CPA6: variants seen among roughly 807,000 people sequenced by gnomAD.
CPA6 encodes the protein carboxypeptidase B.
CPA6 carries 58 observed loss-of-function variants against 63.3 expected under a neutral mutation model. The observed-to-expected ratio is 0.92, with a 90% CI of 0.74 to 1.14. The LOEUF is 1.14. Among genes scored for constraint, CPA6 ranks in the 50% most tolerant of loss-of-function variants. The pLI, the probability that CPA6 is intolerant of heterozygous loss-of-function variation, is 0.00. For missense variants in CPA6, 565 were observed against 526.6 expected (o/e 1.07, Z -0.71); for synonymous variants, 185 against 179.0 (o/e 1.03, Z -0.27).
At chr8:67,532,199 C>A (rs937789499) in intron 2 of CPA6, among the ~76,000 whole-genome samples, 1 of 151,818 alleles carries the variant, frequency 6.6e-6, no homozygotes. Flanking sequence ...TAGTATGGAC[C>A]AACCAAACAA....
intron 8 of CPA6, among the ~76,000 whole-genome samples, chr8:67,467,696 T>G (rs1296189494): frequency 6.6e-6 from 1 of 152,092 alleles, no homozygotes; most frequent in Non-Finnish European, 1.5e-5. Flanking sequence ...AGTTGTTTTC[T>G]TCCAGCTTTA....
chr8:67,509,041 G>A (rs937367602), intron 5 of CPA6, among the ~76,000 whole-genome samples: 8 of 152,130 alleles, frequency 5.3e-5, no homozygotes, highest in Admixed American at 5.2e-4. Flanking sequence ...AGGAGGAAGA[G>A]AGCGAAGGGG....
chr8:67,497,768 T>C (rs1194341976), intron 6 of CPA6, among the ~76,000 whole-genome samples: 1 of 151,680 alleles, frequency 6.6e-6, no homozygotes, highest in Non-Finnish European at 1.5e-5. Context: ...CTCGGCTCAC[T>C]GCAACCTCTG....
intron 6 of CPA6, among the ~76,000 whole-genome samples, chr8:67,493,352 A>G (rs780105746): frequency 7.9e-5 from 12 of 152,190 alleles, no homozygotes; most frequent in Non-Finnish European, 1.5e-4. Flanking sequence ...TAAAAGGACT[A>G]TTCCCTGGAG....
At chr8:67,644,044 A>G (rs1815655484) in intron 1 of CPA6, among the ~76,000 whole-genome samples, 1 of 152,156 alleles carries the variant, frequency 6.6e-6, no homozygotes, top group Non-Finnish European at 1.5e-5. Flanking sequence ...TCATATCACA[A>G]TGCAGATTGA....
At chr8:67,538,435 C>T (rs1271173015) in intron 2 of CPA6, among the ~76,000 whole-genome samples, 11 of 151,004 alleles carry the variant, frequency 7.3e-5, no homozygotes, top group Admixed American at 4.0e-4. Flanking sequence ...TTTATCATTA[C>T]GTGATGCCCA....
chr8:67,520,587 T>A (rs7018199), intron 2 of CPA6, among the ~76,000 whole-genome samples: 23,599 of 152,184 alleles, frequency 0.16, 5,144 homozygotes, highest in African/African-American at 0.49. Context: ...TATAGAAGAC[T>A]TACGGGACAG....
intron 1 of CPA6, among the ~76,000 whole-genome samples, chr8:67,727,154 GA>G (rs369383538): frequency 1.3e-5 from 2 of 150,422 alleles, no homozygotes; most frequent in African/African-American, 2.4e-5. Context: ...TAGGGAGAAA[GA>G]AAAAAAAACC....
At chr8:67,713,099 G>GTGTGTGTGTGTGTATATA (rs1328463977) in intron 1 of CPA6, among the ~76,000 whole-genome samples, 40 of 55,028 alleles carry the variant, frequency 7.3e-4, no homozygotes, top group African/African-American at 2.6e-3. Context: ...GTGTGTGTGT[G>GTGTGTGTGTGTGTATATA]TATATATATA....
At chr8:67,475,822 CTTT>C (rs11316135) in intron 8 of CPA6, among the ~76,000 whole-genome samples, 5 of 46,808 alleles carry the variant, frequency 1.1e-4, no homozygotes, top group African/African-American at 2.4e-4. Context: ...TCTTTCCTTT[CTTT>C]TCTTTCTTTC....
intron 8 of CPA6, among the ~76,000 whole-genome samples, chr8:67,438,638 C>T (rs1810217234): frequency 6.6e-6 from 1 of 152,118 alleles, no homozygotes; most frequent in South Asian, 2.1e-4. Flanking sequence ...CTCATATCTA[C>T]AGCGATATGA....
At chr8:67,538,983 T>C (rs1312615772) in intron 2 of CPA6, among the ~76,000 whole-genome samples, 1 of 152,190 alleles carries the variant, frequency 6.6e-6, no homozygotes, top group African/African-American at 2.4e-5. Flanking sequence ...TAATGGGGCA[T>C]TTAACCCATT....
chr8:67,430,866 T>C (rs1302799356), intron 9 of CPA6, among the ~76,000 whole-genome samples: 1 of 152,030 alleles, frequency 6.6e-6, no homozygotes, highest in African/African-American at 2.4e-5. Context: ...CTTTTTTTTT[T>C]CTTTCCTTTC....
intron 2 of CPA6, among the ~76,000 whole-genome samples, chr8:67,592,863 G>GT (rs1391928015): frequency 2.6e-5 from 4 of 152,030 alleles, no homozygotes; most frequent in Non-Finnish European, 4.4e-5. Context: ...TTTTTGAAGG[G>GT]TTTTTTGTGT....
intron 8 of CPA6, chr8:67,483,389 C>G (rs1811400211): frequency 3.6e-6 from 1 of 274,694 alleles, no homozygotes; most frequent in Non-Finnish European, 7.1e-6. Context: ...CCACGACAGA[C>G]AGCCGAATGC....
At chr8:67,675,752 A>G (rs1816458128) in intron 1 of CPA6, among the ~76,000 whole-genome samples, 1 of 152,226 alleles carries the variant, frequency 6.6e-6, no homozygotes, top group South Asian at 2.1e-4. Flanking sequence ...CCTGTGCATT[A>G]TCTACTCAAA....
intron 1 of CPA6, among the ~76,000 whole-genome samples, chr8:67,639,505 AG>A (rs1282041947): frequency 6.6e-6 from 1 of 151,602 alleles, no homozygotes; most frequent in Non-Finnish European, 1.5e-5. Context: ...GCTCCCTACA[AG>A]GCTGTGGCTG....
intron 8 of CPA6, among the ~76,000 whole-genome samples, chr8:67,479,407 T>C (rs552094758): frequency 6.6e-6 from 1 of 152,348 alleles, no homozygotes; most frequent in Admixed American, 6.5e-5. Context: ...TACCCCATTG[T>C]ATTATTGGGT....
intron 1 of CPA6, among the ~76,000 whole-genome samples, chr8:67,646,004 A>G (rs1361688195): frequency 1.3e-5 from 2 of 152,192 alleles, no homozygotes. Context: ...TGCCTGAGAT[A>G]AAAAGTTCTC....
Sources: allele counts gnomAD v4.1 joint callset (sites outside exome capture counted in the v4.1 genomes callset), GRCh38; gene constraint gnomAD v4.1.1; transcripts MANE v1.5; gene names NCBI Gene and HGNC (gene_info 2026-07-23, HGNC 2026-07-21).